The following COL4A3 variants were observed in gnomAD, a reference collection of about 807,000 sequenced individuals.
COL4A3 encodes collagen type IV alpha 3 chain.
COL4A3 carries 135 observed loss-of-function variants against 217.4 expected under a neutral mutation model. The observed-to-expected ratio is 0.62, with a 90% confidence interval of 0.54 to 0.72. The LOEUF is 0.72. Among genes scored for constraint, COL4A3 ranks in the 30% least tolerant of loss-of-function variants. The pLI is 0.00. For synonymous variants in COL4A3, 690 were observed against 736.3 expected, an observed-to-expected ratio of 0.94 and a Z score of 1.02; for missense variants, 1,868 against 2,119.9, an observed-to-expected ratio of 0.88 and a Z score of 2.33.
At chr2:227,270,119 A>G in intron 24 of COL4A3, 139 bp downstream of exon 24, 1 of 689,910 alleles carries the variant, frequency 1.4e-6, no homozygotes, top group Non-Finnish European at 2.6e-6. Flanking sequence ...AAATGAATAA[A>G]TCTGTGACTG....
At chr2:227,246,545 A>G (rs2069350283) in intron 6 of COL4A3, 140 bp from the exon 7 acceptor site, 5 of 714,644 alleles carry the variant, frequency 7.0e-6, no homozygotes, top group Non-Finnish European at 1.3e-5. Flanking sequence ...CTTCAGCCTC[A>G]TGACCCAGTA....
intron 1 of COL4A3, among the ~76,000 whole-genome samples, chr2:227,203,179 A>G (rs1046716531): frequency 4.0e-5 from 1 of 24,768 alleles, no homozygotes; most frequent in Non-Finnish European, 6.9e-5. Context: ...ATATATGTGT[A>G]TATGTGTGTA....
chr2:227,277,775 A>ATG (rs2071673782), intron 28 of COL4A3, among the ~76,000 whole-genome samples: 2 of 152,112 alleles, frequency 1.3e-5, no homozygotes, highest in Non-Finnish European at 2.9e-5. Flanking sequence ...CAAGGCAGGC[A>ATG]GATCACTTGA....
chr2:227,284,070 G>A (rs2072162571), intron 33 of COL4A3, 141 bp from the exon 34 acceptor site: 1 of 1,203,502 alleles, frequency 8.3e-7, no homozygotes, highest in Non-Finnish European at 1.2e-6. Context: ...GCCTGCCTGG[G>A]GAAACTATTT....
At chr2:227,167,286 A>C in intron 1 of COL4A3, among the ~76,000 whole-genome samples, 1 of 152,214 alleles carries the variant, frequency 6.6e-6, no homozygotes, top group Non-Finnish European at 1.5e-5. Flanking sequence ...TCTACATGCT[A>C]AGTTTGTTTA....
chr2:227,224,998 A>G lies in COL4A3; in HGVS notation c.88-12970A>G, dbSNP rs1024443128. On this transcript the variant is annotated intron_variant, in intron 1 of 51. Transcript: ENST00000396578. ...GCGATTACAGCTCACTGTGGCCTCA[A>G]CCTCCTGGGCTCCAGCGATCCTCCC... Among the ~76,000 whole-genome samples, 5 of 152,084 alleles carry G rather than the reference A, an allele frequency of 3.3e-5. No individual in the cohort carries two copies. In the East Asian group the frequency reaches 7.7e-4, roughly 23 times the overall value.
rs146618142 is a variant in COL4A3, at chr2:227,313,475, G to A, written c.*1605G>A. On this transcript the variant is annotated 3_prime_UTR_variant, in exon 52 of 52. Transcript: ENST00000396578. ...ACTTGATGATAACACTATTTGATGA[G>A]TCTTAGAGTCCAGACACAAAGAGAC... The A allele has an allele frequency of 3.9e-4, 59 of 152,724 alleles. No homozygotes were observed. The highest frequency in any genetic ancestry group is 1.3e-3 in the African/African-American group (55 of 41,554). 9.5% of individuals were successfully genotyped at this position (152,724 alleles called of 1,614,324 possible). A position where few individuals can be genotyped will look rare whatever the true frequency, so the allele number is the denominator to read the frequency against.
chr2:227,294,050 T>C lies in COL4A3; in HGVS notation c.3338-440T>C, dbSNP rs895350593. The C allele has an allele frequency of 1.0e-5, 3 of 290,740 alleles. No individual in the cohort carries two copies. In the Admixed American group the frequency reaches 1.5e-4, roughly 14 times the overall value. The allele number at this position is 290,740 out of a possible 1,614,324, so 18.0% of individuals were successfully genotyped here. A position where few individuals can be genotyped will look rare whatever the true frequency, so the allele number is the denominator to read the frequency against. On this transcript the variant is annotated intron_variant, in intron 38 of 51. Coordinates refer to ENST00000396578, the MANE Select transcript of COL4A3 (RefSeq NM_000091.5). ...CTACAACACTGTGCTGTGACTCTTT[T>C]TCGAACCCATTTCTGGATTGAATTT...
chr2:227,273,110 A>C lies in COL4A3; in HGVS notation c.1920A>C (p.Gly640=). The C allele has an allele frequency of 3.7e-6, 6 of 1,613,606 alleles. No individual in the cohort carries two copies. The highest frequency in any genetic ancestry group is 5.1e-6 in the Non-Finnish European group (6 of 1,180,000). The change falls in exon 26 of 52, where the codon GGA becomes GGC. Residue 640 remains glycine, a synonymous_variant. Transcript: ENST00000396578. The stretch of plus-strand genomic sequence containing the variant: ...TTCCTGGAGCCCCCGGACCACCCGG[A>C]GAAGCCGGTTGGTTAGTTTTCTTTC... ...QGVPGAPGPP[G]EAGPRGELSV... is the part of the protein sequence containing the mutation.
chr2:227,169,094 T>A (rs1379918197), intron 1 of COL4A3: 3 of 138,244 alleles, frequency 2.2e-5, no homozygotes, highest in Admixed American at 7.7e-5. Flanking sequence ...CCTGTGTCCA[T>A]GTGTTCTCAT....
chr2:227,180,777 C>T (rs551397305), intron 1 of COL4A3, among the ~76,000 whole-genome samples: 37 of 152,320 alleles, frequency 2.4e-4, no homozygotes, highest in African/African-American at 8.7e-4. Context: ...CCAAGTATTA[C>T]TGAGACAGGA....
intron 26 of COL4A3, 113 bp downstream of exon 26, chr2:227,273,230 T>C (rs888165724): frequency 4.4e-6 from 5 of 1,148,372 alleles, no homozygotes; most frequent in Middle Eastern, 2.8e-4. Flanking sequence ...TTCTAACGAA[T>C]AGAATATGTC....
chr2:227,304,317 A>T, intron 46 of COL4A3, 173 bp downstream of exon 46: 2 of 755,198 alleles, frequency 2.6e-6, no homozygotes, highest in Non-Finnish European at 4.3e-6. Flanking sequence ...CAAATAAAAG[A>T]CCTTGGAATC....
Position 227,269,821 on chromosome 2 carries a change from A to G in COL4A3, c.1505-89A>G. On this transcript the variant is annotated intron_variant, in intron 23 of 51. Transcript: ENST00000396578. ...GTTGTCTTTCTTTCCCCACAAGGAA[A>G]CACTCTATTTTCTTCATACATTGTA... The G allele has an allele frequency of 5.5e-6, 6 of 1,094,834 alleles. No homozygotes were observed. In the South Asian group the frequency reaches 6.5e-5, roughly 12 times the overall value. The allele number at this position is 1,094,834 out of a possible 1,614,324, so 67.8% of individuals were successfully genotyped here. A position where few individuals can be genotyped will look rare whatever the true frequency, so the allele number is the denominator to read the frequency against.
chr2:227,251,928 G>A (rs1298804927), intron 11 of COL4A3, among the ~76,000 whole-genome samples: 1 of 151,774 alleles, frequency 6.6e-6, no homozygotes, highest in Admixed American at 6.6e-5. Flanking sequence ...AATTAGCCGG[G>A]CATGGTGGTG....
chr2:227,241,283 T>G (rs1368976222), intron 3 of COL4A3, among the ~76,000 whole-genome samples: 1 of 152,216 alleles, frequency 6.6e-6, no homozygotes, highest in East Asian at 1.9e-4. Flanking sequence ...TTCCCCTGAC[T>G]ACTGACCTCC....
intron 23 of COL4A3, chr2:227,268,709 G>C (rs900717724): frequency 3.3e-5 from 5 of 152,250 alleles, no homozygotes; most frequent in Non-Finnish European, 4.4e-5. Context: ...GGGCAGGGGG[G>C]AGGTAGGAGC....
intron 1 of COL4A3, among the ~76,000 whole-genome samples, chr2:227,222,204 T>C (rs11884770): frequency 0.66 from 97,159 of 148,332 alleles, 32,687 homozygotes; most frequent in East Asian, 0.79. Context: ...ACCCTTGACA[T>C]ACAATACCCA....
At chr2:227,211,336 A>G (rs533771983) in intron 1 of COL4A3, among the ~76,000 whole-genome samples, 1 of 152,180 alleles carries the variant, frequency 6.6e-6, no homozygotes, top group Non-Finnish European at 1.5e-5. Context: ...ACTGCTGTAT[A>G]ACATCCCATC....
Sources: allele counts gnomAD v4.1 joint callset (sites outside exome capture counted in the v4.1 genomes callset), GRCh38; gene constraint gnomAD v4.1.1; transcripts MANE v1.5; gene names NCBI Gene and HGNC (gene_info 2026-07-23, HGNC 2026-07-21).